HSF2BP: variants seen among roughly 807,000 people sequenced by gnomAD.
The protein encoded by HSF2BP is heat shock factor 2-binding protein.
In HSF2BP, 35 loss-of-function variants were observed where a neutral mutation model predicts 35.0. The ratio of observed to expected loss-of-function variants is 1.00; its 90% CI spans 0.76 to 1.32. The LOEUF is 1.32. Among genes scored for constraint, HSF2BP ranks in the 40% most tolerant of loss-of-function variants. The pLI, the probability that HSF2BP is intolerant of heterozygous loss-of-function variation, is 0.00. For synonymous variants in HSF2BP, 114 were observed against 117.4 expected (o/e 0.97, Z 0.18); for missense variants, 326 against 321.7 (o/e 1.01, Z -0.10).
At chr21:43,604,453 C>A (rs376597463) in intron 7 of HSF2BP, among the ~76,000 whole-genome samples, 11,560 of 136,002 alleles carry the variant, frequency 0.085, 619 homozygotes, top group Non-Finnish European at 0.13. Flanking sequence ...CACGCACACA[C>A]CACACACACA....
chr21:43,630,291 G>T, intron 6 of HSF2BP, 31 bp downstream of exon 6: 1 of 1,585,244 alleles, frequency 6.3e-7, no homozygotes, highest in South Asian at 1.2e-5. Flanking sequence ...GAAGCAAACA[G>T]GCAACATCTC....
At chr21:43,630,119 T>C (rs1326557822) in intron 6 of HSF2BP, among the ~76,000 whole-genome samples, 1 of 152,252 alleles carries the variant, frequency 6.6e-6, no homozygotes, top group Admixed American at 6.5e-5. Flanking sequence ...TTAGCAATAA[T>C]GAATTTTCTA....
At chr21:43,656,865 G>A in intron 2 of HSF2BP, 128 bp from the exon 3 acceptor site, 1 of 721,902 alleles carries the variant, frequency 1.4e-6, no homozygotes. Context: ...TCTACCTACT[G>A]TATATTCTGC....
chr21:43,617,740 G>A (rs1410310411), intron 6 of HSF2BP, among the ~76,000 whole-genome samples: 1 of 151,930 alleles, frequency 6.6e-6, no homozygotes, highest in Non-Finnish European at 1.5e-5. Context: ...GATCACCTGA[G>A]GTCAAGAGTT....
intron 4 of HSF2BP, among the ~76,000 whole-genome samples, chr21:43,639,507 T>G (rs1462396754): frequency 1.3e-5 from 2 of 152,082 alleles, no homozygotes; most frequent in Non-Finnish European, 2.9e-5. Flanking sequence ...AAACATTTCA[T>G]AAAAGAGAAT....
At chr21:43,650,302 G>A (rs1204058293) in intron 3 of HSF2BP, among the ~76,000 whole-genome samples, 1 of 152,118 alleles carries the variant, frequency 6.6e-6, no homozygotes, top group African/African-American at 2.4e-5. Flanking sequence ...CGCCTCTGGG[G>A]TTCACACCAT....
chr21:43,615,830 CA>C, intron 6 of HSF2BP, among the ~76,000 whole-genome samples: 1 of 152,160 alleles, frequency 6.6e-6, no homozygotes, highest in South Asian at 2.1e-4. Flanking sequence ...GGTAGCTTTT[CA>C]GGGGAAAGCA....
At chr21:43,588,827 C>T (rs1298336186) in intron 8 of HSF2BP, among the ~76,000 whole-genome samples, 1 of 152,120 alleles carries the variant, frequency 6.6e-6, no homozygotes, top group Non-Finnish European at 1.5e-5. Context: ...TTCTATGATT[C>T]TTGAGAGGAA....
At chr21:43,616,265 C>G (rs2082269573) in intron 6 of HSF2BP, among the ~76,000 whole-genome samples, 1 of 152,144 alleles carries the variant, frequency 6.6e-6, no homozygotes. Flanking sequence ...ACTTTGGTCT[C>G]CTGCCACTTG....
intron 3 of HSF2BP, among the ~76,000 whole-genome samples, chr21:43,649,360 A>T (rs2082752069): frequency 6.6e-6 from 1 of 151,862 alleles, no homozygotes; most frequent in Non-Finnish European, 1.5e-5. Context: ...ATGAACCAGG[A>T]AGGCTGGGGT....
chr21:43,608,768 C>T (rs922609695), intron 7 of HSF2BP, among the ~76,000 whole-genome samples: 7 of 151,932 alleles, frequency 4.6e-5, no homozygotes. Flanking sequence ...TCAAGACTAT[C>T]CTGGGCAAGA....
chr21:43,507,297 CA>C, the HSF2BP span, among the ~76,000 whole-genome samples: 1 of 108,050 alleles, frequency 9.3e-6, no homozygotes, highest in East Asian at 2.3e-4. Context: ...CTCCCTTTCC[CA>C]GGCATTGTGG....
chr21:43,621,644 C>T (rs1444891398), intron 6 of HSF2BP, among the ~76,000 whole-genome samples: 5 of 152,026 alleles, frequency 3.3e-5, no homozygotes, highest in Non-Finnish European at 5.9e-5. Context: ...GCAAAGCCAT[C>T]CTTCAAATAT....
chr21:43,627,229 G>A (rs758514288), intron 6 of HSF2BP, among the ~76,000 whole-genome samples: 5 of 152,036 alleles, frequency 3.3e-5, no homozygotes, highest in East Asian at 1.9e-4. Context: ...GTTCTGAGAC[G>A]GAATTTTATC....
chr21:43,586,544 T>C (rs144734875), intron 8 of HSF2BP, among the ~76,000 whole-genome samples: 1 of 152,302 alleles, frequency 6.6e-6, no homozygotes, highest in African/African-American at 2.4e-5. Flanking sequence ...TAACACCTAC[T>C]ACATTAGGTG....
chr21:43,467,779 CCACAA>C, the HSF2BP span, among the ~76,000 whole-genome samples: 1 of 45,974 alleles, frequency 2.2e-5, no homozygotes, highest in African/African-American at 9.6e-5. Flanking sequence ...ACACACCACA[CCACAA>C]ACCACACACC....
At chr21:43,604,478 C>A (rs1161351473) in intron 7 of HSF2BP, among the ~76,000 whole-genome samples, 1 of 104,892 alleles carries the variant, frequency 9.5e-6, no homozygotes, top group Non-Finnish European at 2.1e-5. Context: ...ACAGCACGCA[C>A]ACCATACACA....
intron 8 of HSF2BP, among the ~76,000 whole-genome samples, chr21:43,577,861 A>G (rs1568880566): frequency 6.6e-6 from 1 of 152,182 alleles, no homozygotes; most frequent in Non-Finnish European, 1.5e-5. Flanking sequence ...TGCCCTTGCG[A>G]TAATGGACTC....
At chr21:43,598,466 C>T (rs771214571) in intron 7 of HSF2BP, among the ~76,000 whole-genome samples, 1 of 151,880 alleles carries the variant, frequency 6.6e-6, no homozygotes, top group Admixed American at 6.6e-5. Flanking sequence ...AGGTGACCCA[C>T]CTGCCTTGGC....
Sources: allele counts gnomAD v4.1 joint callset (sites outside exome capture counted in the v4.1 genomes callset), GRCh38; gene constraint gnomAD v4.1.1; transcripts MANE v1.5; gene names NCBI Gene and HGNC (gene_info 2026-07-23, HGNC 2026-07-21).